ASB7: variants seen among roughly 807,000 people sequenced by gnomAD.
The protein encoded by ASB7 is ankyrin repeat and SOCS box containing 7.
In ASB7, 4 loss-of-function variants were observed where a neutral mutation model predicts 32.5. The observed-to-expected ratio is 0.12, with a 90% CI of 0.06 to 0.28. ASB7 has a LOEUF of 0.28. ASB7 is among the 10% of genes least tolerant of loss of function. ASB7 has a pLI of 1.00. For missense variants in ASB7, 181 were observed against 407.1 expected (o/e 0.44, Z 4.78); for synonymous variants, 172 against 155.6 (o/e 1.11, Z -0.78).
rs912492530 is a variant in ASB7 at position 100,651,199 on chromosome 15, T to G, written c.*2737T>G. ...ATCTTTCGAAAACAAGGTTTTGTGT[T>G]TTTTTTTTTTTGTAAATATTTGTGT... On this transcript the variant is annotated 3_prime_UTR_variant, in exon 6 of 6. Transcript: ENST00000332783. 2 of 124,212 alleles carry G rather than the reference T, an allele frequency of 1.6e-5. No homozygotes were observed. The highest frequency in any genetic ancestry group is 7.9e-5 in the African/African-American group (2 of 25,208). The allele number at this position is 124,212 out of a possible 1,614,324, so 7.7% of individuals were successfully genotyped here.
At position 100,629,588 on chromosome 15, in the gene ASB7, C is replaced by T. The variant is rs186032613; in HGVS notation, c.363C>T (p.Leu121=). ...AAAGCAATGACGGCTGGACTCCCCT[C>T]CATGTGGCTGCCCACTACGGCAGGG... is the stretch of plus-strand genomic sequence containing the variant. ...NAKSNDGWTP[L]HVAAHYGRDS... is the part of the protein sequence containing the mutation. The change falls in exon 5 of 6, where the codon CTC becomes CTT. Residue 121 remains leucine (L), a synonymous_variant. Transcript: ENST00000332783. The surrounding 1 kb of genome is among the most constrained non-coding windows in gnomAD (Gnocchi z 6.8). 1.6e-5 allele frequency: 26 copies of T among 1,614,220 alleles called. No homozygotes were observed. The African/African-American group carries it at 2.0e-4, about 12-fold the overall frequency.
intron 5 of ASB7, among the ~76,000 whole-genome samples, chr15:100,630,592 G>C (rs747451540): frequency 6.6e-6 from 1 of 152,212 alleles, no homozygotes; most frequent in Non-Finnish European, 1.5e-5. Flanking sequence ...AGAAATTGTT[G>C]TAAGAAAATA....
intron 2 of ASB7, among the ~76,000 whole-genome samples, chr15:100,607,792 G>A (rs2039659459): frequency 6.6e-6 from 1 of 152,206 alleles, no homozygotes; most frequent in Non-Finnish European, 1.5e-5. Context: ...TTGACTGAAG[G>A]AGCTCATATG....
In ASB7 at chr15:100,610,484, GAC is replaced by G. The variant is rs1251151188; in HGVS notation, c.-52+657_-52+658del. Among the ~76,000 whole-genome samples the G allele has an allele frequency of 2.1e-5, 3 of 140,536 alleles. No individual in the cohort carries two copies. The Admixed American group carries it at 2.2e-4, about 11-fold the overall frequency. The allele number at this position is 140,536 out of a possible 152,430, so 92.2% of individuals were successfully genotyped here. ...CACTCCAACCTGGGTGACAGAGCAA[GAC>G]TCCGTCTCAAAAAAAAAAAAGAGGC... On this transcript the variant is annotated intron_variant, in intron 3 of 5. Transcript: ENST00000332783.
intron 4 of ASB7, among the ~76,000 whole-genome samples, chr15:100,616,613 A>G (rs982191212): frequency 1.2e-4 from 18 of 152,184 alleles, no homozygotes; most frequent in South Asian, 1.0e-3. Context: ...AGGTTTTCAT[A>G]TATGTGTGGT....
chr15:100,627,506 A>G (rs1052934893), intron 4 of ASB7, among the ~76,000 whole-genome samples: 7 of 152,278 alleles, frequency 4.6e-5, no homozygotes, highest in Admixed American at 6.5e-5. Flanking sequence ...CATTGCTTCT[A>G]ATCTCCCATT....
chr15:100,644,186 T>G (rs2039982173), intron 5 of ASB7, among the ~76,000 whole-genome samples: 1 of 152,190 alleles, frequency 6.6e-6, no homozygotes. Flanking sequence ...AGATGGAGGT[T>G]GCAGTGAATT....
Position 100,607,151 on chromosome 15 carries a change from CA to C in ASB7, c.-173-2542del, listed in dbSNP as rs35799567. Reference sequence around the variant, plus strand: ...CTGGCAATAGAGCGAGCCTCCGTCTCAAAAAAAAAAAAAAGAAAATTACTTC... The same window carrying C: ...CTGGCAATAGAGCGAGCCTCCGTCTCAAAAAAAAAAAAAGAAAATTACTTC... On this transcript the variant is annotated intron_variant, in intron 2 of 5. Coordinates refer to ENST00000332783, the MANE Select transcript of ASB7 (RefSeq NM_198243.3). Among the ~76,000 whole-genome samples, 824 of 126,666 alleles carry C rather than the reference CA, an allele frequency of 6.5e-3. 8 individuals carry two copies. The highest frequency in any genetic ancestry group is 6.3e-3 in the African/African-American group (208 of 33,114). 83.1% of individuals were successfully genotyped at this position (126,666 alleles called of 152,430 possible).
chr15:100,648,093 T>C (rs2040008599), intron 5 of ASB7, among the ~76,000 whole-genome samples: 1 of 152,186 alleles, frequency 6.6e-6, no homozygotes, highest in African/African-American at 2.4e-5. Flanking sequence ...GATACTCAGT[T>C]TTCTTATTGG....
rs1034785091 is a variant in ASB7 at position 100,618,235 on chromosome 15, G to A, written c.211+5808G>A. On this transcript the variant is annotated intron_variant, in intron 4 of 5. Transcript: ENST00000332783. ...AGGTTCAAGCGATTCTCCTGTCTTA[G>A]CCTTCCGAGTAGCTGGGACTACAGG... Among the ~76,000 whole-genome samples the A allele has an allele frequency of 3.9e-5, 6 of 151,978 alleles. No homozygotes were observed. The East Asian group carries it at 1.2e-3, about 29-fold the overall frequency.
At chr15:100,644,594 G>A (rs1272448338) in intron 5 of ASB7, among the ~76,000 whole-genome samples, 1 of 152,208 alleles carries the variant, frequency 6.6e-6, no homozygotes, top group Non-Finnish European at 1.5e-5. Context: ...ATTGGCAAAT[G>A]GGGCCAGACA....
chr15:100,634,982 G>A (rs939560282), intron 5 of ASB7, among the ~76,000 whole-genome samples: 1 of 152,178 alleles, frequency 6.6e-6, no homozygotes. Flanking sequence ...TAGATTATTT[G>A]CAGAAAAGAG....
At chr15:100,618,622 G>GTGTGT (rs113400819) in intron 4 of ASB7, among the ~76,000 whole-genome samples, 1 of 150,184 alleles carries the variant, frequency 6.7e-6, no homozygotes, top group Non-Finnish European at 1.5e-5. Context: ...CTGTGTGTGT[G>GTGTGT]GTGTGTGTGT....
rs539504978 is a variant in ASB7 at position 100,647,198 on chromosome 15, T to C, written c.818-1125T>C. On this transcript the variant is annotated intron_variant, in intron 5 of 5. Transcript: ENST00000332783. Reference sequence around the variant, plus strand: ...AGCCCACATAAAAGTTTCTGGGGGTTCGCAATAATTTTTTAAAGTGTAAAG... The same window carrying C: ...AGCCCACATAAAAGTTTCTGGGGGTCCGCAATAATTTTTTAAAGTGTAAAG... Among the ~76,000 whole-genome samples the C allele has an allele frequency of 5.1e-3, 783 of 152,324 alleles. 10 individuals are homozygous for C. Among genetic ancestry groups the C allele is most frequent in the African/African-American group, 0.018 (739 of 41,578 alleles).
At chr15:100,644,875 G>A (rs539209019) in intron 5 of ASB7, among the ~76,000 whole-genome samples, 2 of 152,168 alleles carry the variant, frequency 1.3e-5, no homozygotes, top group Non-Finnish European at 2.9e-5. Flanking sequence ...AGACATCTGT[G>A]GATACACATA....
intron 4 of ASB7, among the ~76,000 whole-genome samples, chr15:100,623,436 G>C (rs890346292): frequency 6.6e-6 from 1 of 152,148 alleles, no homozygotes; most frequent in Non-Finnish European, 1.5e-5. Flanking sequence ...GACACAAATA[G>C]ACATTTCTCG....
chr15:100,637,529 T>A (rs1204815358), intron 5 of ASB7, among the ~76,000 whole-genome samples: 1 of 152,232 alleles, frequency 6.6e-6, no homozygotes, highest in Non-Finnish European at 1.5e-5. Context: ...AACCTTGTTT[T>A]CCAAATGACT....
chr15:100,633,112 C>T (rs1236439351), intron 5 of ASB7, among the ~76,000 whole-genome samples: 2 of 151,708 alleles, frequency 1.3e-5, no homozygotes, highest in African/African-American at 2.4e-5. Flanking sequence ...GCCATAGCAC[C>T]TGCCTGAATA....
chr15:100,612,633 T>C (rs1237146304), intron 4 of ASB7: 1 of 595,374 alleles, frequency 1.7e-6, no homozygotes, highest in African/African-American at 1.9e-5. Flanking sequence ...ATGGATTCTT[T>C]TCCCTGAAAC....
Sources: allele counts gnomAD v4.1 joint callset (sites outside exome capture counted in the v4.1 genomes callset), GRCh38; gene constraint gnomAD v4.1.1; non-coding constraint Gnocchi (gnomAD v3.1); transcripts MANE v1.5; gene names NCBI Gene and HGNC (gene_info 2026-07-23, HGNC 2026-07-21).